RBBP8: variants seen among roughly 807,000 people sequenced by gnomAD.
The protein encoded by RBBP8 is RB binding protein 8, endonuclease.
RBBP8 carries 88 observed loss-of-function variants against 108.3 expected under a neutral mutation model. The ratio of observed to expected loss-of-function variants is 0.81; its 90% CI spans 0.68 to 0.97. RBBP8 has a LOEUF of 0.97. Ranked by LOEUF, RBBP8 falls within the 50% of genes least tolerant of loss-of-function variation. The probability of loss-of-function intolerance (pLI) is 0.00; values close to 1 mark genes in which losing one functional copy is unlikely to be tolerated. For synonymous variants in RBBP8, 332 were observed against 348.2 expected, an observed-to-expected ratio of 0.95 and a Z score of 0.52; for missense variants, 1,023 against 1,049.0, an observed-to-expected ratio of 0.98 and a Z score of 0.34.
chr18:22,949,916 AATGATATCTTTATCTGG>A (rs1911896133), intron 4 of RBBP8: 3 of 518,278 alleles, frequency 5.8e-6, no homozygotes, highest in South Asian at 5.2e-5. Flanking sequence ...TTACCCTTTA[AATGATATCTTTATCTGG>A]TGTTTGATGT....
At chr18:23,018,704 A>T (rs1223138966) in intron 17 of RBBP8, among the ~76,000 whole-genome samples, 1 of 152,190 alleles carries the variant, frequency 6.6e-6, no homozygotes, top group Non-Finnish European at 1.5e-5. Context: ...ATACAGATGA[A>T]GGTTTTTTTC....
rs748774829 is a variant in RBBP8, at chr18:22,949,662, T to A, written c.197T>A (p.Leu66Gln). ...LEEFFTKNQQ[L>Q]REQQKVLHET... ...GAATTCTTCACCAAAAATCAACAGC[T>A]GAGGGAACAGCAGAAAGTCCTTCAT... is the stretch of plus-strand genomic sequence containing the variant. Residue 66 changes from leucine to glutamine, a missense_variant, in exon 4 of 19, where the codon CTG becomes CAG. Physicochemically the swap from Leu to Gln is moderately radical, Grantham distance 113 (BLOSUM62 -2). Transcript: ENST00000327155. 3.7e-6 allele frequency: 6 copies of A among 1,613,588 alleles called. No homozygotes were observed. Among genetic ancestry groups the A allele is most frequent in the Non-Finnish European group, 3.4e-6 (4 of 1,179,722 alleles).
rs1197316362 is a variant in RBBP8, at chr18:22,996,250, A to G, written c.1940-124A>G. On this transcript the variant is annotated intron_variant, in intron 12 of 18. Transcript: ENST00000327155. ...TGAGAGTTCTTTATATATCTTAGAT[A>G]TAAGTCCTTTACCAGACATATGATT... 20 of 1,458,410 alleles carry G rather than the reference A, an allele frequency of 1.4e-5. No homozygotes were observed. In the East Asian group the frequency reaches 4.0e-4, roughly 29 times the overall value. 90.3% of individuals were successfully genotyped at this position (1,458,410 alleles called of 1,614,324 possible).
chr18:22,930,928 T>C (rs1239725828), upstream of RBBP8, among the ~76,000 whole-genome samples: 1 of 152,062 alleles, frequency 6.6e-6, no homozygotes, highest in Non-Finnish European at 1.5e-5. Context: ...CGAACCACTG[T>C]GTCCAGCTAT....
intron 3 of RBBP8, among the ~76,000 whole-genome samples, chr18:22,921,933 T>C (rs1395710057): frequency 6.6e-6 from 1 of 152,198 alleles, no homozygotes; most frequent in Admixed American, 6.5e-5. Flanking sequence ...TAAAAACAGA[T>C]TGACTACATT....
intron 3 of RBBP8, among the ~76,000 whole-genome samples, chr18:22,918,490 G>C (rs1909453689): frequency 6.6e-6 from 1 of 152,096 alleles, no homozygotes; most frequent in South Asian, 2.1e-4. Flanking sequence ...TACTGACATA[G>C]AAAAGGTACC....
At position 23,006,341 on chromosome 18, in the gene RBBP8, A is replaced by C. The variant is rs772246119; in HGVS notation, c.2288-22A>C. 4 of 1,594,318 alleles carry C rather than the reference A, an allele frequency of 2.5e-6. No individual in the cohort carries two copies. The South Asian group carries it at 3.3e-5, about 13-fold the overall frequency. On this transcript the variant is annotated intron_variant, in intron 15 of 18. Transcript: ENST00000327155. The stretch of plus-strand genomic sequence containing the variant: ...TCATTAAGTTCTACATTTAGTTTGT[A>C]ATGTGCATGTTTTATTTATAGCTCA...
chr18:23,022,663 T>TAAAATAAAATAAATAA lies in RBBP8; in HGVS notation c.2596+401_2596+402insATAAATAAAAAATAAA, dbSNP rs1555650172. 5.1e-4 allele frequency among the ~76,000 whole-genome samples: 51 copies of TAAAATAAAATAAATAA among 99,780 alleles called. 3 individuals are homozygous for TAAAATAAAATAAATAA. Among genetic ancestry groups the TAAAATAAAATAAATAA allele is most frequent in the Non-Finnish European group, 6.9e-4 (29 of 42,042 alleles). 65.5% of individuals were successfully genotyped at this position (99,780 alleles called of 152,430 possible). A position where few individuals can be genotyped will look rare whatever the true frequency, so the allele number is the denominator to read the frequency against. On this transcript the variant is annotated intron_variant, in intron 18 of 18. Coordinates refer to ENST00000327155, the MANE Select transcript of RBBP8 (RefSeq NM_002894.3). ...AAATAAAATACAATATAAAATAAAA[T>TAAAATAAAATAAATAA]AAAATAAATAACTGTATATGCCCAA...
At chr18:22,977,392 G>GT (rs906341697) in intron 6 of RBBP8, among the ~76,000 whole-genome samples, 3 of 151,854 alleles carry the variant, frequency 2.0e-5, no homozygotes, top group African/African-American at 7.3e-5. Flanking sequence ...TAGTTTTGAT[G>GT]TTACAAGATG....
intron 10 of RBBP8, among the ~76,000 whole-genome samples, chr18:22,991,974 A>C (rs1915733552): frequency 6.6e-6 from 1 of 152,206 alleles, no homozygotes; most frequent in African/African-American, 2.4e-5. Flanking sequence ...ATACAGCTCC[A>C]GAAAGGTTAA....
chr18:22,949,190 C>T (rs1370625309), intron 3 of RBBP8, among the ~76,000 whole-genome samples: 1 of 152,082 alleles, frequency 6.6e-6, no homozygotes, highest in East Asian at 1.9e-4. Context: ...TGCATCTGGG[C>T]GTAGGGTTCC....
At chr18:23,024,040 ATTTTT>A (rs35157427) in intron 18 of RBBP8, among the ~76,000 whole-genome samples, 6 of 102,930 alleles carry the variant, frequency 5.8e-5, no homozygotes, top group Non-Finnish European at 9.3e-5. Flanking sequence ...TACCCAGCCT[ATTTTT>A]TTTTTTTTTT....
At chr18:22,932,862 A>T (rs1337169433), upstream of RBBP8, among the ~76,000 whole-genome samples, 1 of 152,226 alleles carries the variant, frequency 6.6e-6, no homozygotes, top group African/African-American at 2.4e-5. Flanking sequence ...GTTTAACCTC[A>T]GCAAAATACA....
chr18:22,946,406 C>T lies in RBBP8; in HGVS notation c.110-38C>T, dbSNP rs780663132. On this transcript the variant is annotated intron_variant, in intron 2 of 18. Coordinates refer to ENST00000327155, the MANE Select transcript of RBBP8 (RefSeq NM_002894.3). The stretch of plus-strand genomic sequence containing the variant: ...GTGGAGCATTTGACTCATAAAGGAA[C>T]TGTTGTAGAAGTAATACCTTTTCTT... 6.2e-6 allele frequency: 10 copies of T among 1,608,104 alleles called. No individual in the cohort carries two copies. In the South Asian group the frequency reaches 7.7e-5, roughly 12 times the overall value.
At chr18:23,018,887 GC>G (rs2046304887) in intron 17 of RBBP8, among the ~76,000 whole-genome samples, 1 of 152,114 alleles carries the variant, frequency 6.6e-6, no homozygotes, top group Admixed American at 6.5e-5. Flanking sequence ...TCAGATGCCT[GC>G]CCTCAGCAAT....
upstream of RBBP8, among the ~76,000 whole-genome samples, chr18:22,931,990 C>A (rs1910056792): frequency 6.6e-6 from 1 of 152,058 alleles, no homozygotes; most frequent in African/African-American, 2.4e-5. Flanking sequence ...ATAACAGTAT[C>A]TTGGATTATG....
rs1415822327 is a variant in RBBP8, at chr18:22,960,876, A to G, written c.249-7930A>G. On this transcript the variant is annotated intron_variant, in intron 4 of 18. Coordinates refer to ENST00000327155, the MANE Select transcript of RBBP8 (RefSeq NM_002894.3). ...ATTTGTAGTATATCAGAAAGTAAAT[A>G]TTACGGGTATGTCTGTTCTAAAAGA... Among the ~76,000 whole-genome samples, 15 of 152,222 alleles carry G rather than the reference A, an allele frequency of 9.9e-5. No individual in the cohort carries two copies. In the East Asian group the frequency reaches 2.9e-3, roughly 29 times the overall value.
At chr18:22,951,466 GAAA>G (rs904320747) in intron 4 of RBBP8, among the ~76,000 whole-genome samples, 8 of 151,168 alleles carry the variant, frequency 5.3e-5, no homozygotes, top group Admixed American at 5.3e-4. Flanking sequence ...GATCTGTGTA[GAAA>G]AAAAAACCAA....
intron 15 of RBBP8, among the ~76,000 whole-genome samples, chr18:23,004,317 A>G (rs2046002169): frequency 6.6e-6 from 1 of 152,108 alleles, no homozygotes; most frequent in South Asian, 2.1e-4. Context: ...AGACACACAA[A>G]AATACTATTT....
Sources: gnomAD v4.1 joint callset for allele counts (sites outside exome capture counted in the v4.1 genomes callset) on GRCh38, gnomAD v4.1.1 for gene constraint, MANE v1.5 for transcripts, NCBI Gene and HGNC (gene_info 2026-07-23, HGNC 2026-07-21) for gene names.